Variants in UBE2L3 observed in about 807,000 individuals in gnomAD.
The protein encoded by UBE2L3 is ubiquitin-conjugating enzyme E2 L3.
UBE2L3 carries 1 observed loss-of-function variant against 17.8 expected under a neutral mutation model. The observed-to-expected ratio is 0.06, with a 90% CI of 0.02 to 0.27. The LOEUF (loss-of-function observed/expected upper bound fraction) is 0.27, where lower values mean the gene tolerates loss of function less well. Among genes scored for constraint, UBE2L3 ranks in the 10% least tolerant of loss-of-function variants. UBE2L3 has a pLI of 1.00. For missense variants in UBE2L3, 40 were observed against 192.6 expected (o/e 0.21, Z 4.69); for synonymous variants, 44 against 68.5 (o/e 0.64, Z 1.76).
Position 21,583,795 on chromosome 22 carries a change from A to G in UBE2L3, c.28-9066A>G, listed in dbSNP as rs117991878. Among the ~76,000 whole-genome samples the G allele has an allele frequency of 2.5e-4, 38 of 152,354 alleles. No individual in the cohort carries two copies. The East Asian group carries it at 6.9e-3, about 28-fold the overall frequency. ...CACTGAGTCAAAAGCTGCCTGGGAT[A>G]GTGAACACTTACTGGCCCCAATTCT... On this transcript the variant is annotated intron_variant, in intron 1 of 3. Coordinates refer to ENST00000342192, the MANE Select transcript of UBE2L3 (RefSeq NM_003347.4).
In UBE2L3 at chr22:21,588,100, T is replaced by G. The variant is rs139429893; in HGVS notation, c.28-4761T>G. Among the ~76,000 whole-genome samples the G allele has an allele frequency of 3.3e-3, 502 of 152,348 alleles. 3 individuals are homozygous for G. Among genetic ancestry groups the G allele is most frequent in the African/African-American group, 0.012 (483 of 41,580 alleles). ...GCACCATCAGCCCTGAGCAGCTGACTTGGGTTGCTTCTTGCTCTGAGCAGA... is the reference window on the plus strand; with the variant it reads ...GCACCATCAGCCCTGAGCAGCTGACGTGGGTTGCTTCTTGCTCTGAGCAGA... On this transcript the variant is annotated intron_variant, in intron 1 of 3. Transcript: ENST00000342192.
intron 1 of UBE2L3, among the ~76,000 whole-genome samples, chr22:21,580,952 CATT>C (rs1214412155): frequency 6.6e-6 from 1 of 150,628 alleles, no homozygotes; most frequent in Non-Finnish European, 1.5e-5. Context: ...GATCATAACT[CATT>C]ATAACTCATT....
Position 21,610,900 on chromosome 22 carries a change from A to G in UBE2L3, c.167A>G (p.Asn56Ser), listed in dbSNP as rs1475073977. 5 of 1,612,664 alleles carry G rather than the reference A, an allele frequency of 3.1e-6. No homozygotes were observed. The highest frequency in any genetic ancestry group is 1.1e-5 in the South Asian group (1 of 90,916). ...AAGGGAGCCTTCAGAATCGAAATCA[A>G]CTTTCCAGCAGAGTACCCATTCAAA... ...YDKGAFRIEI[N>S]FPAEYPFKPP... The change falls in exon 3 of 4, where the codon AAC (asparagine) becomes AGC (serine). Residue 56 changes from asparagine to serine, a missense_variant. By Grantham distance (46) the Asn-to-Ser change is conservative. Coordinates refer to ENST00000342192, the MANE Select transcript of UBE2L3 (RefSeq NM_003347.4).
At chr22:21,585,212 T>G (rs1482231436) in intron 1 of UBE2L3, among the ~76,000 whole-genome samples, 1 of 152,214 alleles carries the variant, frequency 6.6e-6, no homozygotes, top group African/African-American at 2.4e-5. Context: ...CTCTGAATAG[T>G]TCAGGGTGGC....
rs192270956 is a variant in UBE2L3 at position 21,604,455 on chromosome 22, C to A, written c.124-6402C>A. 2.2e-4 allele frequency among the ~76,000 whole-genome samples: 34 copies of A among 152,250 alleles called. No homozygotes were observed. The East Asian group carries it at 5.8e-3, about 26-fold the overall frequency. ...GGCGGAGGTTGCAGTGCTGAGATCCCACCATTACACTCCAGCCTGGGCAAG... is the reference window on the plus strand; with the variant it reads ...GGCGGAGGTTGCAGTGCTGAGATCCAACCATTACACTCCAGCCTGGGCAAG... On this transcript the variant is annotated intron_variant, in intron 2 of 3. Transcript: ENST00000342192.
intron 1 of UBE2L3, chr22:21,555,420 CGGGACCCGCCTGGCTAACAT>C (rs1163616739): frequency 6.5e-6 from 1 of 152,714 alleles, no homozygotes; most frequent in Non-Finnish European, 1.5e-5. Context: ...GTCAGGAGTT[CGGGACCCGCCTGGCTAACAT>C]GGTGAAAACC....
chr22:21,612,748 A>G (rs534414730), intron 3 of UBE2L3, among the ~76,000 whole-genome samples: 5 of 141,870 alleles, frequency 3.5e-5, no homozygotes, highest in African/African-American at 5.4e-5. Flanking sequence ...GGTTCAAGCA[A>G]TTCTCCTGCC....
At chr22:21,590,003 C>G (rs1287280689) in intron 1 of UBE2L3, among the ~76,000 whole-genome samples, 1 of 152,104 alleles carries the variant, frequency 6.6e-6, no homozygotes, top group African/African-American at 2.4e-5. Flanking sequence ...TCCCCTGGAT[C>G]TCCTTGATAC....
At chr22:21,600,154 A>G (rs921803434) in intron 2 of UBE2L3, among the ~76,000 whole-genome samples, 14 of 151,978 alleles carry the variant, frequency 9.2e-5, no homozygotes, top group Non-Finnish European at 1.8e-4. Flanking sequence ...TCTACTAAAA[A>G]TACAAAAAAT....
chr22:21,598,040 A>G (rs1458695732), intron 2 of UBE2L3, among the ~76,000 whole-genome samples: 1 of 147,850 alleles, frequency 6.8e-6, no homozygotes, highest in Non-Finnish European at 1.5e-5. Context: ...GACTCAAGTG[A>G]TCCGCCTGCC....
chr22:21,573,211 G>A lies in UBE2L3; in HGVS notation c.27+5440G>A, dbSNP rs139460769. On this transcript the variant is annotated intron_variant, in intron 1 of 3. Transcript: ENST00000342192. ...GCAGGCCCTGCTCTCAGAGATTGGAGCAGAATTTAGTAGGGTGAGGATGAG... is the reference window on the plus strand; with the variant it reads ...GCAGGCCCTGCTCTCAGAGATTGGAACAGAATTTAGTAGGGTGAGGATGAG... Among the ~76,000 whole-genome samples, 143 of 152,284 alleles carry A rather than the reference G, an allele frequency of 9.4e-4. 3 individuals are homozygous for A. In the East Asian group the frequency reaches 0.026, roughly 28 times the overall value.
chr22:21,604,148 C>CACA (rs370600153), intron 2 of UBE2L3, among the ~76,000 whole-genome samples: 1 of 152,034 alleles, frequency 6.6e-6, no homozygotes, highest in African/African-American at 2.4e-5. Flanking sequence ...GCTTAGGGAG[C>CACA]ACAAGACAGT....
intron 2 of UBE2L3, among the ~76,000 whole-genome samples, chr22:21,593,448 A>G (rs1279230107): frequency 4.0e-5 from 6 of 151,710 alleles, no homozygotes; most frequent in African/African-American, 7.3e-5. Flanking sequence ...AATTGCCCAC[A>G]TGTTCCCCTC....
chr22:21,568,489 T>C, intron 1 of UBE2L3: 5 of 948,150 alleles, frequency 5.3e-6, no homozygotes, highest in Non-Finnish European at 6.3e-6. Context: ...AGTGCCATTT[T>C]TGGGGGGATA....
intron 2 of UBE2L3, among the ~76,000 whole-genome samples, chr22:21,602,637 TG>T (rs1396644018): frequency 6.6e-6 from 1 of 152,244 alleles, no homozygotes; most frequent in Non-Finnish European, 1.5e-5. Flanking sequence ...GATAGTTCGG[TG>T]CCATATGGCA....
chr22:21,565,200 C>G, upstream of UBE2L3, among the ~76,000 whole-genome samples: 1 of 151,996 alleles, frequency 6.6e-6, no homozygotes, highest in East Asian at 2.0e-4. Flanking sequence ...TCACGCCATT[C>G]TCCTGCCTCA....
intron 1 of UBE2L3, among the ~76,000 whole-genome samples, chr22:21,569,853 T>C (rs887934959): frequency 3.9e-5 from 6 of 152,238 alleles, no homozygotes; most frequent in Non-Finnish European, 8.8e-5. Flanking sequence ...CAGGGTTACC[T>C]AGCTAGGGAG....
upstream of UBE2L3, among the ~76,000 whole-genome samples, chr22:21,563,491 G>C (rs1211202977): frequency 1.3e-5 from 2 of 148,718 alleles, no homozygotes; most frequent in Non-Finnish European, 3.0e-5. Context: ...GAACCCGGGA[G>C]GCGGAGGTTG....
intron 2 of UBE2L3, among the ~76,000 whole-genome samples, chr22:21,599,549 C>G (rs917336806): frequency 6.6e-6 from 1 of 152,024 alleles, no homozygotes; most frequent in East Asian, 1.9e-4. Context: ...GCACTTAAGA[C>G]CAAACAGAAG....
Sources: allele counts gnomAD v4.1 joint callset (sites outside exome capture counted in the v4.1 genomes callset), GRCh38; gene constraint gnomAD v4.1.1; transcripts MANE v1.5; gene names NCBI Gene and HGNC (gene_info 2026-07-23, HGNC 2026-07-21).